The following MPV17L variants were observed in gnomAD, a reference collection of about 807,000 sequenced individuals.
MPV17L encodes MPV17 mitochondrial inner membrane protein like.
A neutral mutation model predicts 25.8 loss-of-function variants in MPV17L; 24 were observed. The ratio of observed to expected loss-of-function variants is 0.93; its 90% confidence interval spans 0.67 to 1.31. The LOEUF is 1.31. Ranked by LOEUF, MPV17L falls within the 50% of genes most tolerant of loss-of-function variation. The pLI, the probability that MPV17L is intolerant of heterozygous loss-of-function variation, is 0.00. For missense variants in MPV17L, 250 were observed against 265.6 expected (o/e 0.94, Z 0.41); for synonymous variants, 102 against 115.3 (o/e 0.88, Z 0.74).
Position 15,408,100 on chromosome 16 carries a change from C to T in MPV17L, c.579C>T (p.Tyr193=). The change falls in exon 4 of 4, where the codon TAC becomes TAT. Residue 193 remains tyrosine, a synonymous_variant. Transcript: ENST00000396385. ...AGGGGACCAGTGCCACAGAAGGGTA[C>T]CCGAAGAAATGAGAAGTCAAGGACT... The part of the protein sequence containing the change: ...YTKGTSATEG[Y]PKK The T allele has an allele frequency of 3.1e-6, 5 of 1,598,132 alleles. No individual in the cohort carries two copies. Among genetic ancestry groups the T allele is most frequent in the Non-Finnish European group, 4.3e-6 (5 of 1,170,818 alleles).
intron 2 of MPV17L, among the ~76,000 whole-genome samples, chr16:15,406,716 A>C (rs2050683435): frequency 6.6e-6 from 1 of 152,038 alleles, no homozygotes. Flanking sequence ...ACCTGAGGTC[A>C]GGAGTTCAAG....
intron 2 of MPV17L, among the ~76,000 whole-genome samples, chr16:15,407,518 G>C (rs1325116420): frequency 6.6e-6 from 1 of 151,976 alleles, no homozygotes; most frequent in Non-Finnish European, 1.5e-5. Flanking sequence ...CGAGGTGGTG[G>C]ATCACCTGAG....
At position 15,412,858 on chromosome 16, in the gene MPV17L, G is replaced by A. The variant is rs1396003588; in HGVS notation, c.*4746G>A. On this transcript the variant is annotated 3_prime_UTR_variant, in exon 4 of 4. Coordinates refer to ENST00000396385, the MANE Select transcript of MPV17L (RefSeq NM_001128423.2). ...GCCTCCCAGAGTGCTGGGATTACAG[G>A]TGTGAGCCACCGCGCCCGGCCTGGA... is the stretch of plus-strand genomic sequence containing the variant. The A allele has an allele frequency of 6.6e-6, 1 of 151,910 alleles. No individual in the cohort carries two copies. Among genetic ancestry groups the A allele is most frequent in the African/African-American group, 2.4e-5 (1 of 41,344 alleles). 9.4% of individuals were successfully genotyped at this position (151,910 alleles called of 1,614,324 possible). A position where few individuals can be genotyped will look rare whatever the true frequency, so the allele number is the denominator to read the frequency against.
rs908354383 is a variant in MPV17L, at chr16:15,400,346, C to CTT, written c.311-424_311-423dup. On this transcript the variant is annotated intron_variant, in intron 1 of 3. Coordinates refer to ENST00000396385, the MANE Select transcript of MPV17L (RefSeq NM_001128423.2). ...AGTTTTAGAGTGGAGATTATGTTTT[C>CTT]TTTTTTTTTTTTTTTTTTGTTTGAG... Among the ~76,000 whole-genome samples the CTT allele has an allele frequency of 3.2e-3, 406 of 125,118 alleles. 4 individuals carry two copies. Among genetic ancestry groups the CTT allele is most frequent in the African/African-American group, 0.011 (366 of 33,642 alleles). The allele number at this position is 125,118 out of a possible 152,430, so 82.1% of individuals were successfully genotyped here.
Position 15,412,738 on chromosome 16 carries a change from A to AT in MPV17L, c.*4626_*4627insT, listed in dbSNP as rs2050744276. The AT allele has an allele frequency of 1.1e-5, 1 of 90,672 alleles. No individual in the cohort carries two copies. The highest frequency in any genetic ancestry group is 2.8e-5 in the Non-Finnish European group (1 of 35,246). The allele number at this position is 90,672 out of a possible 1,614,324, so 5.6% of individuals were successfully genotyped here. ...AAGGCGCCCGCCACCATGACCCACT[A>AT]ATTTTTTTTTTTTTTGGATTTTTAG... On this transcript the variant is annotated 3_prime_UTR_variant, in exon 4 of 4. Transcript: ENST00000396385.
intron 2 of MPV17L, among the ~76,000 whole-genome samples, chr16:15,405,142 C>A (rs528167771): frequency 6.6e-6 from 1 of 152,174 alleles, no homozygotes; most frequent in East Asian, 1.9e-4. Flanking sequence ...TCAGCCAATT[C>A]TTTGAGGCAT....
intron 1 of MPV17L, among the ~76,000 whole-genome samples, chr16:15,397,204 A>C (rs2050594450): frequency 6.6e-6 from 1 of 152,152 alleles, no homozygotes; most frequent in Non-Finnish European, 1.5e-5. Context: ...GACTGCATGT[A>C]GAGTAGGGGT....
At position 15,396,139 on chromosome 16, in the gene MPV17L, C is replaced by T; in HGVS notation, c.242C>T (p.Ala81Val). The change falls in exon 1 of 4, where the codon GCC (alanine) becomes GTC (valine). Residue 81 changes from alanine to valine, a missense_variant. Physicochemically the swap from Ala to Val is moderately conservative, Grantham distance 64. Coordinates refer to ENST00000396385, the MANE Select transcript of MPV17L (RefSeq NM_001128423.2). The stretch of plus-strand genomic sequence containing the variant: ...GCGCTCCCGGGCCGAGCGCCGCACG[C>T]CCTGCTGGCCAAGTTGCTGTGCGAC... ...ERALPGRAPH[A>V]LLAKLLCDQV... 6.5e-7 allele frequency: 1 copy of T among 1,548,614 alleles called. No homozygotes were observed. The highest frequency in any genetic ancestry group is 8.7e-7 in the Non-Finnish European group (1 of 1,147,226).
At chr16:15,399,530 G>A (rs1653844114) in intron 1 of MPV17L, 2 of 394,516 alleles carry the variant, frequency 5.1e-6, no homozygotes, top group Non-Finnish European at 5.0e-6. Flanking sequence ...CTCTGCCTCT[G>A]GAGTAGCTGG....
intron 1 of MPV17L, among the ~76,000 whole-genome samples, chr16:15,397,036 G>A (rs888901602): frequency 9.2e-5 from 14 of 152,078 alleles, no homozygotes; most frequent in African/African-American, 3.4e-4. Context: ...TTCCCTTAAC[G>A]AGTCACAAAG....
chr16:15,409,090 T>C lies in MPV17L; in HGVS notation c.*978T>C, dbSNP rs1321746627. 6.7e-6 allele frequency: 1 copy of C among 148,174 alleles called. No individual in the cohort carries two copies. The highest frequency in any genetic ancestry group is 2.0e-4 in the East Asian group (1 of 5,076). 9.2% of individuals were successfully genotyped at this position (148,174 alleles called of 1,614,324 possible). ...GCCACCACAACCGACTTTTTTTTTT[T>C]TTTTTTTTTGAGACAGAGACTCGCT... On this transcript the variant is annotated 3_prime_UTR_variant, in exon 4 of 4. Coordinates refer to ENST00000396385, the MANE Select transcript of MPV17L (RefSeq NM_001128423.2).
Position 15,396,191 on chromosome 16 carries a change from C to G in MPV17L, c.294C>G (p.Val98=). ...CDQVVGAPIA[V]SAFYVGMSIL... ...AGGTGGTCGGTGCGCCCATCGCGGT[C>G]TCGGCCTTCTATGTCGGTGAGGGGC... The change falls in exon 1 of 4, where the codon GTC becomes GTG. Residue 98 remains valine (V), a synonymous_variant. Coordinates refer to ENST00000396385, the MANE Select transcript of MPV17L (RefSeq NM_001128423.2). The G allele has an allele frequency of 1.3e-6, 2 of 1,549,974 alleles. No homozygotes were observed. The highest frequency in any genetic ancestry group is 1.7e-6 in the Non-Finnish European group (2 of 1,147,490).
intron 2 of MPV17L, among the ~76,000 whole-genome samples, chr16:15,403,478 G>A (rs1166678911): frequency 6.6e-6 from 1 of 151,398 alleles, no homozygotes; most frequent in Non-Finnish European, 1.5e-5. Context: ...TTTGAGACCA[G>A]CCTGCGCAAC....
intron 2 of MPV17L, among the ~76,000 whole-genome samples, chr16:15,404,800 T>C (rs1163527179): frequency 2.0e-5 from 3 of 151,988 alleles, no homozygotes; most frequent in Non-Finnish European, 2.9e-5. Context: ...CCAGCCTGGG[T>C]GACAGAGCAA....
At chr16:15,403,368 C>CAAAA (rs36042308) in intron 2 of MPV17L, among the ~76,000 whole-genome samples, 3 of 73,026 alleles carry the variant, frequency 4.1e-5, no homozygotes, top group Non-Finnish European at 5.1e-5. Flanking sequence ...GACTCCGTCT[C>CAAAA]AAAAAAAAAA....
At chr16:15,397,729 G>T (rs1353206177) in intron 1 of MPV17L, among the ~76,000 whole-genome samples, 3 of 152,124 alleles carry the variant, frequency 2.0e-5, no homozygotes, top group Non-Finnish European at 4.4e-5. Context: ...ACCCTGCCCC[G>T]TGTGCCTTAT....
At chr16:15,400,577 T>C (rs1306484460) in intron 1 of MPV17L, among the ~76,000 whole-genome samples, 2 of 152,088 alleles carry the variant, frequency 1.3e-5, no homozygotes, top group Non-Finnish European at 2.9e-5. Flanking sequence ...TCTTAACTCC[T>C]GGACTCAAGC....
chr16:15,396,126 C>T lies in MPV17L; in HGVS notation c.229C>T (p.Arg77Ter). The change falls in exon 1 of 4, where the codon CGA (arginine) becomes TGA (stop). Residue 77 changes from arginine (R) to a stop codon, truncating the protein, a stop_gained. Transcript: ENST00000396385. LOFTEE classifies it high-confidence loss of function. ...LRLLERALPG[R>*]APHALLAKLL... is the part of the protein sequence containing the mutation. ...CCTGCTGGAGCGCGCGCTCCCGGGC[C>T]GAGCGCCGCACGCCCTGCTGGCCAA... 6 of 1,546,858 alleles carry T rather than the reference C, an allele frequency of 3.9e-6. No homozygotes were observed. The South Asian group carries it at 6.0e-5, about 15-fold the overall frequency.
intron 2 of MPV17L, among the ~76,000 whole-genome samples, chr16:15,406,152 C>T (rs578028619): frequency 6.6e-6 from 1 of 151,912 alleles, no homozygotes; most frequent in South Asian, 2.1e-4. Context: ...CGCACCATTG[C>T]ACTCCAGCCT....
Sources: gnomAD v4.1 joint callset for allele counts (sites outside exome capture counted in the v4.1 genomes callset) on GRCh38, gnomAD v4.1.1 for gene constraint, MANE v1.5 for transcripts, NCBI Gene and HGNC (gene_info 2026-07-23, HGNC 2026-07-21) for gene names.